Variants in FCHSD2 observed in about 807,000 individuals in gnomAD.
FCHSD2 encodes F-BAR and double SH3 domains protein 2.
In FCHSD2, 38 loss-of-function variants were observed where a neutral mutation model predicts 108.1. The ratio of observed to expected loss-of-function variants is 0.35; its 90% confidence interval spans 0.27 to 0.46. FCHSD2 has a LOEUF of 0.46. FCHSD2 is among the 20% of genes least tolerant of loss of function. FCHSD2 has a pLI of 1.00. For missense variants in FCHSD2, 751 were observed against 897.8 expected (o/e 0.84, Z 2.09); for synonymous variants, 279 against 314.7 (o/e 0.89, Z 1.20).
chr11:73,025,773 G>A (rs887760003), intron 3 of FCHSD2, among the ~76,000 whole-genome samples: 4 of 151,966 alleles, frequency 2.6e-5, no homozygotes, highest in African/African-American at 4.8e-5. Flanking sequence ...TTATGACTAA[G>A]AATTTTTTTA....
intron 10 of FCHSD2, among the ~76,000 whole-genome samples, chr11:72,891,376 G>T (rs1855310832): frequency 6.6e-6 from 1 of 152,154 alleles, no homozygotes; most frequent in Non-Finnish European, 1.5e-5. Flanking sequence ...AGACATTTCA[G>T]CTAGATTATA....
chr11:72,925,321 A>G (rs1035636019), intron 8 of FCHSD2, among the ~76,000 whole-genome samples: 1 of 152,240 alleles, frequency 6.6e-6, no homozygotes, highest in African/African-American at 2.4e-5. Context: ...ATAGAAGTAT[A>G]TTACAAATCA....
intron 3 of FCHSD2, among the ~76,000 whole-genome samples, chr11:73,063,772 G>C (rs1040512542): frequency 1.3e-4 from 20 of 152,266 alleles, no homozygotes; most frequent in African/African-American, 4.3e-4. Flanking sequence ...CAATACAGGA[G>C]CATCCAGATT....
intron 12 of FCHSD2, among the ~76,000 whole-genome samples, chr11:72,878,059 T>C (rs2135226954): frequency 6.6e-6 from 1 of 152,126 alleles, no homozygotes; most frequent in East Asian, 1.9e-4. Flanking sequence ...AATAAAACTT[T>C]TTGGTGTAAG....
At chr11:72,901,180 T>C (rs1313357644) in intron 10 of FCHSD2, among the ~76,000 whole-genome samples, 1 of 152,102 alleles carries the variant, frequency 6.6e-6, no homozygotes, top group East Asian at 1.9e-4. Context: ...TGGCTTGAAC[T>C]CAGGAGTTCG....
At chr11:73,111,054 G>A (rs111265747) in intron 2 of FCHSD2, among the ~76,000 whole-genome samples, 1 of 151,560 alleles carries the variant, frequency 6.6e-6, no homozygotes, top group African/African-American at 2.4e-5. Context: ...TATTTCAGGG[G>A]TTTTTTTTAA....
At chr11:73,132,717 C>T (rs1013352029) in intron 2 of FCHSD2, among the ~76,000 whole-genome samples, 1 of 150,110 alleles carries the variant, frequency 6.7e-6, no homozygotes, top group South Asian at 2.2e-4. Flanking sequence ...CTAGCTACTC[C>T]GGAGGCTGGG....
At chr11:73,036,578 C>A (rs1446772554) in intron 3 of FCHSD2, among the ~76,000 whole-genome samples, 1 of 152,094 alleles carries the variant, frequency 6.6e-6, no homozygotes, top group East Asian at 1.9e-4. Context: ...AAATTATAAT[C>A]ATGATTACTG....
chr11:73,113,648 C>T (rs912963871), intron 2 of FCHSD2, among the ~76,000 whole-genome samples: 14 of 152,198 alleles, frequency 9.2e-5, no homozygotes, highest in African/African-American at 3.1e-4. Flanking sequence ...TTATTGTAGT[C>T]GTCATAGTCT....
chr11:72,928,640 G>A (rs578245548), intron 8 of FCHSD2, among the ~76,000 whole-genome samples: 6 of 152,306 alleles, frequency 3.9e-5, no homozygotes, highest in South Asian at 2.1e-4. Flanking sequence ...TGTGCTGTAT[G>A]GGTATTATTG....
chr11:72,923,041 T>C (rs984894492), intron 8 of FCHSD2, among the ~76,000 whole-genome samples: 2 of 152,192 alleles, frequency 1.3e-5, no homozygotes, highest in Non-Finnish European at 1.5e-5. Context: ...TCAAATCATA[T>C]AATATATGAC....
Position 72,838,345 on chromosome 11 carries a change from G to C in FCHSD2, c.*446C>G, listed in dbSNP as rs986969981. ...TTCTGTTTCCTTATGTAGCCAACAT[G>C]ATCTGATTAATTCTCAATCAGATGA... On this transcript the variant is annotated 3_prime_UTR_variant, in exon 20 of 20. Transcript: ENST00000409418. 2 of 159,996 alleles carry C rather than the reference G, an allele frequency of 1.3e-5. No homozygotes were observed. The highest frequency in any genetic ancestry group is 6.1e-5 in the Admixed American group (1 of 16,496). 9.9% of individuals were successfully genotyped at this position (159,996 alleles called of 1,614,324 possible). A position where few individuals can be genotyped will look rare whatever the true frequency, so the allele number is the denominator to read the frequency against.
At chr11:72,894,362 T>C (rs377080868) in intron 10 of FCHSD2, among the ~76,000 whole-genome samples, 34 of 152,158 alleles carry the variant, frequency 2.2e-4, no homozygotes, top group African/African-American at 7.9e-4. Context: ...CTGGGCAACA[T>C]AGCTAGACCC....
At chr11:73,007,086 T>C (rs1479995215) in intron 4 of FCHSD2, among the ~76,000 whole-genome samples, 1 of 152,216 alleles carries the variant, frequency 6.6e-6, no homozygotes, top group African/African-American at 2.4e-5. Flanking sequence ...GTACCATTAT[T>C]TTCTTATCAT....
At chr11:72,893,123 G>A (rs1440069471) in intron 10 of FCHSD2, among the ~76,000 whole-genome samples, 4 of 151,530 alleles carry the variant, frequency 2.6e-5, no homozygotes, top group African/African-American at 9.7e-5. Context: ...CTCAGCCTCC[G>A]GAGTAACTGG....
chr11:72,903,578 A>G (rs1464631955), intron 9 of FCHSD2, among the ~76,000 whole-genome samples: 1 of 151,996 alleles, frequency 6.6e-6, no homozygotes, highest in Non-Finnish European at 1.5e-5. Context: ...ACAGAAAGGC[A>G]GCCATCTGAA....
intron 8 of FCHSD2, among the ~76,000 whole-genome samples, chr11:72,974,366 T>C (rs1421041816): frequency 6.6e-6 from 1 of 152,218 alleles, no homozygotes; most frequent in African/African-American, 2.4e-5. Context: ...ATGGCAATAA[T>C]CCATTCATAA....
rs1374566104 is a variant in FCHSD2, at chr11:72,840,704, T to C, written c.2139+173A>G. On this transcript the variant is annotated intron_variant, in intron 19 of 19. Transcript: ENST00000409418. ...CCAGTGTAGATTAAATGTCCCGAGATGAGTTGATTTCTATGGCCTTCCTTT... is the reference window on the plus strand; with the variant it reads ...CCAGTGTAGATTAAATGTCCCGAGACGAGTTGATTTCTATGGCCTTCCTTT... Among the ~76,000 whole-genome samples, 8 of 152,314 alleles carry C rather than the reference T, an allele frequency of 5.3e-5. 1 individual carries two copies. The South Asian group carries it at 1.7e-3, about 32-fold the overall frequency.
At chr11:73,126,182 A>G (rs1860851358) in intron 2 of FCHSD2, among the ~76,000 whole-genome samples, 1 of 151,606 alleles carries the variant, frequency 6.6e-6, no homozygotes. Flanking sequence ...TCTACTAAAA[A>G]TACAAAAATT....
Sources: allele counts gnomAD v4.1 joint callset (sites outside exome capture counted in the v4.1 genomes callset), GRCh38; gene constraint gnomAD v4.1.1; transcripts MANE v1.5; gene names NCBI Gene and HGNC (gene_info 2026-07-23, HGNC 2026-07-21).